CSMD1: variants seen among roughly 807,000 people sequenced by gnomAD.
The protein encoded by CSMD1 is CUB and sushi domain-containing protein 1.
A neutral mutation model predicts 417.5 loss-of-function variants in CSMD1; 213 were observed. The observed-to-expected ratio is 0.51, with a 90% CI of 0.46 to 0.57. The LOEUF (loss-of-function observed/expected upper bound fraction) is 0.57. Ranked by LOEUF, CSMD1 falls within the 20% of genes least tolerant of loss-of-function variation. CSMD1 has a pLI of 0.00. For synonymous variants in CSMD1, 2,862 were observed against 1,736.8 expected (o/e 1.65, Z -16.11); for missense variants, 6,923 against 4,529.7 (o/e 1.53, Z -15.17).
chr8:4,325,996 C>T (rs1466494479), intron 3 of CSMD1, among the ~76,000 whole-genome samples: 3 of 152,110 alleles, frequency 2.0e-5, no homozygotes, highest in Admixed American at 6.5e-5. Flanking sequence ...GGGGTACGAA[C>T]TCAGTAAAGA....
chr8:3,103,583 C>T (rs890477189), intron 46 of CSMD1, among the ~76,000 whole-genome samples: 1 of 150,408 alleles, frequency 6.6e-6, no homozygotes, highest in Non-Finnish European at 1.5e-5. Flanking sequence ...TTTTCAGCTT[C>T]ATTATAATCT....
intron 1 of CSMD1, among the ~76,000 whole-genome samples, chr8:4,902,296 G>T (rs536379915): frequency 1.3e-5 from 2 of 149,512 alleles, no homozygotes; most frequent in African/African-American, 4.9e-5. Context: ...AAAAATCCTG[G>T]CATGATGGCA....
intron 3 of CSMD1, among the ~76,000 whole-genome samples, chr8:4,157,944 G>C (rs376475403): frequency 1.4e-4 from 22 of 152,206 alleles, no homozygotes; most frequent in African/African-American, 5.1e-4. Flanking sequence ...GTAAGGTTCA[G>C]AACATCTTTT....
intron 5 of CSMD1, among the ~76,000 whole-genome samples, chr8:3,984,058 A>G: frequency 6.8e-6 from 1 of 147,848 alleles, no homozygotes; most frequent in East Asian, 2.0e-4. Flanking sequence ...TGGGGCTGTC[A>G]ATTGCAGCTC....
At chr8:4,205,129 C>G (rs866769224) in intron 3 of CSMD1, among the ~76,000 whole-genome samples, 18 of 152,274 alleles carry the variant, frequency 1.2e-4, no homozygotes, top group Middle Eastern at 3.4e-3. Context: ...ACACATTTAT[C>G]TCAACTCTGT....
At chr8:3,308,639 G>T in intron 23 of CSMD1, 136 bp from the exon 24 acceptor site, 2 of 650,188 alleles carry the variant, frequency 3.1e-6, no homozygotes, top group South Asian at 2.1e-5. Flanking sequence ...TTTACAAAGG[G>T]GAAAAGAAAG....
At chr8:3,802,269 G>T (rs1029127133) in intron 5 of CSMD1, among the ~76,000 whole-genome samples, 1 of 152,018 alleles carries the variant, frequency 6.6e-6, no homozygotes, top group Non-Finnish European at 1.5e-5. Context: ...CATCTACATG[G>T]ATGAGATTTC....
Position 3,748,915 on chromosome 8 carries a change from C to T in CSMD1, c.931+5015G>A, listed in dbSNP as rs370728847. 5.9e-5 allele frequency among the ~76,000 whole-genome samples: 9 copies of T among 152,266 alleles called. No individual in the cohort carries two copies. The East Asian group carries it at 1.5e-3, about 26-fold the overall frequency. On this transcript the variant is annotated intron_variant, in intron 6 of 69. Coordinates refer to ENST00000635120, the MANE Select transcript of CSMD1 (RefSeq NM_033225.6). Reference sequence around the variant, plus strand: ...CCTTGATTTATGAGATGAATGTTCCCTATAAAAATTGGAATTTTATTACAA... The same window carrying T: ...CCTTGATTTATGAGATGAATGTTCCTTATAAAAATTGGAATTTTATTACAA...
intron 5 of CSMD1, among the ~76,000 whole-genome samples, chr8:3,830,608 A>G (rs187777918): frequency 1.1e-4 from 17 of 152,344 alleles, no homozygotes; most frequent in Non-Finnish European, 1.9e-4. Context: ...CAACACTGGC[A>G]GAAAAATATT....
At chr8:3,658,453 A>G (rs576160068) in intron 7 of CSMD1, among the ~76,000 whole-genome samples, 1 of 102,778 alleles carries the variant, frequency 9.7e-6, no homozygotes, top group African/African-American at 3.3e-5. Context: ...TATATCTATA[A>G]TATATATATT....
chr8:3,062,048 A>T (rs557785942), intron 49 of CSMD1, among the ~76,000 whole-genome samples: 2 of 152,294 alleles, frequency 1.3e-5, no homozygotes, highest in African/African-American at 4.8e-5. Flanking sequence ...ATGTCCACCT[A>T]TCAACATTCA....
chr8:4,691,141 C>G (rs865887552), intron 1 of CSMD1, among the ~76,000 whole-genome samples: 1 of 152,182 alleles, frequency 6.6e-6, no homozygotes, highest in African/African-American at 2.4e-5. Context: ...GACATTTTAA[C>G]TGCAAGGGAA....
chr8:4,577,809 G>A (rs771431095), intron 2 of CSMD1, among the ~76,000 whole-genome samples: 10 of 152,132 alleles, frequency 6.6e-5, no homozygotes, highest in Admixed American at 6.5e-4. Context: ...ACCTGATTTA[G>A]AGCTACATTC....
chr8:3,280,510 A>G (rs1396855943), intron 26 of CSMD1, among the ~76,000 whole-genome samples: 1 of 152,160 alleles, frequency 6.6e-6, no homozygotes, highest in Non-Finnish European at 1.5e-5. Flanking sequence ...TAAATGCCTC[A>G]GAGTCAATGT....
intron 7 of CSMD1, among the ~76,000 whole-genome samples, chr8:3,658,705 C>T (rs2469381): frequency 0.31 from 46,501 of 151,686 alleles, 7,209 homozygotes; most frequent in Middle Eastern, 0.38. Context: ...AACACTTGAA[C>T]GCAGGAGGCT....
chr8:4,420,872 G>A lies in CSMD1; in HGVS notation c.303-807C>T, dbSNP rs57163900. On this transcript the variant is annotated intron_variant, in intron 2 of 69. Coordinates refer to ENST00000635120, the MANE Select transcript of CSMD1 (RefSeq NM_033225.6). Reference sequence around the variant, plus strand: ...AATCCACAAACTCCTGTGCTGTGAAGCCTGGTCTGTCCTCTTTCACCCTCC... The same window carrying A: ...AATCCACAAACTCCTGTGCTGTGAAACCTGGTCTGTCCTCTTTCACCCTCC... Among the ~76,000 whole-genome samples the A allele has an allele frequency of 6.4e-3, 968 of 152,238 alleles. 7 individuals are homozygous for A. The highest frequency in any genetic ancestry group is 0.022 in the African/African-American group (923 of 41,550).
At chr8:3,835,556 C>G (rs1449961417) in intron 5 of CSMD1, among the ~76,000 whole-genome samples, 2 of 151,946 alleles carry the variant, frequency 1.3e-5, no homozygotes, top group Non-Finnish European at 1.5e-5. Flanking sequence ...CATCGCACCT[C>G]AGGGACTGTT....
At chr8:3,195,094 T>C (rs919853260) in intron 33 of CSMD1, among the ~76,000 whole-genome samples, 1 of 152,220 alleles carries the variant, frequency 6.6e-6, no homozygotes, top group Non-Finnish European at 1.5e-5. Context: ...GAAAGCAGCA[T>C]TGAATTCTAT....
At chr8:4,988,345 T>C (rs1203200867) in intron 1 of CSMD1, among the ~76,000 whole-genome samples, 4 of 152,238 alleles carry the variant, frequency 2.6e-5, no homozygotes, top group Non-Finnish European at 5.9e-5. Context: ...AATATTCCTT[T>C]CCCTTTTATA....
Sources: allele counts gnomAD v4.1 joint callset (sites outside exome capture counted in the v4.1 genomes callset), GRCh38; gene constraint gnomAD v4.1.1; transcripts MANE v1.5; gene names NCBI Gene and HGNC (gene_info 2026-07-23, HGNC 2026-07-21).